Variants in PRAG1 observed in about 807,000 individuals in gnomAD.
PRAG1 encodes inactive tyrosine-protein kinase PRAG1.
A neutral mutation model predicts 95.6 loss-of-function variants in PRAG1; 110 were observed. The ratio of observed to expected loss-of-function variants is 1.15; its 90% CI spans 0.99 to 1.35. The LOEUF (loss-of-function observed/expected upper bound fraction) is 1.35. PRAG1 is among the 40% of genes most tolerant of loss of function. The probability of loss-of-function intolerance (pLI) is 0.00; values close to 1 mark genes in which losing one functional copy is unlikely to be tolerated. For synonymous variants in PRAG1, 1,052 were observed against 819.4 expected, an observed-to-expected ratio of 1.28 and a Z score of -4.85; for missense variants, 2,554 against 1,864.7, an observed-to-expected ratio of 1.37 and a Z score of -6.81.
At chr8:8,336,894 T>G (rs1011107195) in intron 4 of PRAG1, among the ~76,000 whole-genome samples, 3 of 33,270 alleles carry the variant, frequency 9.0e-5, no homozygotes, top group African/African-American at 1.4e-4. Flanking sequence ...CCCACTCCCC[T>G]CCCCACACCC....
At chr8:8,384,952 T>C (rs1363764871) in intron 1 of PRAG1, among the ~76,000 whole-genome samples, 1 of 152,216 alleles carries the variant, frequency 6.6e-6, no homozygotes, top group African/African-American at 2.4e-5. Flanking sequence ...GCACTAGATT[T>C]GTGGCTACAG....
chr8:8,327,994 A>C lies in PRAG1; in HGVS notation c.2788T>G (p.Ser930Ala). The C allele has an allele frequency of 6.3e-7, 1 of 1,593,632 alleles. No homozygotes were observed. ...SSQLSVSSQA[S>A]TGSTQLQLHG... Reference sequence around the variant, plus strand: ...AGCTGAAGCTGGGTGCTCCCGGTGGAGGCTTGACTGGACACGCTCAGCTGG... The same window carrying C: ...AGCTGAAGCTGGGTGCTCCCGGTGGCGGCTTGACTGGACACGCTCAGCTGG... The change falls in exon 5 of 6, where the codon TCC becomes GCC. Residue 930 changes from serine to alanine, a missense_variant. Coordinates refer to ENST00000615670, the MANE Select transcript of PRAG1 (RefSeq NM_001080826.3).
intron 5 of PRAG1, among the ~76,000 whole-genome samples, chr8:8,326,424 G>C (rs1368211971): frequency 6.6e-6 from 1 of 152,154 alleles, no homozygotes; most frequent in African/African-American, 2.4e-5. Flanking sequence ...CAGGTGATGA[G>C]AGAAGATAGC....
At chr8:8,321,428 C>T (rs1255610139) in intron 5 of PRAG1, among the ~76,000 whole-genome samples, 1 of 152,164 alleles carries the variant, frequency 6.6e-6, no homozygotes, top group Non-Finnish European at 1.5e-5. Flanking sequence ...CACTATTAAA[C>T]TAAAGGAAAT....
At chr8:8,332,427 G>A (rs1798849850) in intron 4 of PRAG1, among the ~76,000 whole-genome samples, 1 of 152,136 alleles carries the variant, frequency 6.6e-6, no homozygotes. Context: ...GACTCCTAAA[G>A]TGCTGGGATT....
At position 8,328,082 on chromosome 8, in the gene PRAG1, G is replaced by A. The variant is rs757695897; in HGVS notation, c.2700C>T (p.Gly900=). The A allele has an allele frequency of 6.2e-7, 1 of 1,607,496 alleles. No individual in the cohort carries two copies. The highest frequency in any genetic ancestry group is 8.5e-7 in the Non-Finnish European group (1 of 1,175,780). ...CAGGGCTCCCGCAGCCGCCTCTGTT[G>A]CCCGCCAGCCCTGCTGCCGGAAGCC... ...GHWLPAAGLA[G]NRGGCGSPGL... The change falls in exon 5 of 6, where the codon GGC becomes GGT. Residue 900 remains glycine (G), a synonymous_variant. Coordinates refer to ENST00000615670, the MANE Select transcript of PRAG1 (RefSeq NM_001080826.3).
intron 3 of PRAG1, among the ~76,000 whole-genome samples, chr8:8,349,489 A>C (rs973827470): frequency 3.9e-5 from 6 of 151,946 alleles, no homozygotes; most frequent in Non-Finnish European, 8.8e-5. Flanking sequence ...TCACTGTGTT[A>C]GCCAGGATGG....
chr8:8,380,017 G>C (rs542864465), intron 2 of PRAG1, among the ~76,000 whole-genome samples: 44 of 152,214 alleles, frequency 2.9e-4, no homozygotes, highest in African/African-American at 1.0e-3. Context: ...GAGGCAGATG[G>C]ACCACTTGAG....
In PRAG1 at chr8:8,377,329, G is replaced by A. The variant is rs1231350448; in HGVS notation, c.1080C>T (p.His360=). Residue 360 remains histidine, a synonymous_variant, in exon 3 of 6, where the codon CAC becomes CAT. Transcript: ENST00000615670. ...TGAGGGAGCAGTAATCACTCTCGAG[G>A]TGGGGGACGAAGGGGCTACTGGCGC... ...GSGASSPFVP[H]LESDYCSLMK... 15 of 1,608,952 alleles carry A rather than the reference G, an allele frequency of 9.3e-6. No homozygotes were observed.
rs966114239 is a variant in PRAG1, at chr8:8,376,937, C to G, written c.1472G>C (p.Ser491Thr). The G allele has an allele frequency of 1.9e-6, 3 of 1,613,414 alleles. No individual in the cohort carries two copies. Among genetic ancestry groups the G allele is most frequent in the Non-Finnish European group, 2.5e-6 (3 of 1,180,024 alleles). ...PEEDHRTIYL[S>T]SPDSAVGVQW... ...CACCCCCACTGCAGAGTCAGGGCTG[C>G]TCAGGTAGATCGTCCGATGGTCCTC... The change falls in exon 3 of 6, where the codon AGC becomes ACC. Residue 491 changes from serine to threonine, a missense_variant. Physicochemically the swap from Ser to Thr is moderately conservative, Grantham distance 58. Transcript: ENST00000615670.
chr8:8,374,267 G>A (rs746212058), intron 3 of PRAG1, among the ~76,000 whole-genome samples: 9 of 152,194 alleles, frequency 5.9e-5, no homozygotes, highest in Non-Finnish European at 1.2e-4. Flanking sequence ...CACAGTGAGT[G>A]GCTTATACAA....
intron 3 of PRAG1, among the ~76,000 whole-genome samples, chr8:8,340,879 A>T (rs1014953105): frequency 1.3e-5 from 2 of 152,242 alleles, no homozygotes; most frequent in Admixed American, 6.5e-5. Context: ...ATTATGACTA[A>T]TCTTCATCTT....
chr8:8,334,805 G>A (rs549924438), intron 4 of PRAG1, among the ~76,000 whole-genome samples: 1 of 151,672 alleles, frequency 6.6e-6, no homozygotes, highest in Non-Finnish European at 1.5e-5. Context: ...TTTCCATGCC[G>A]GGCACAGTCG....
intron 5 of PRAG1, among the ~76,000 whole-genome samples, chr8:8,324,545 G>T (rs1798574526): frequency 6.6e-6 from 1 of 152,056 alleles, no homozygotes; most frequent in Non-Finnish European, 1.5e-5. Context: ...GGAGGGAGTG[G>T]CTTTTTCTCC....
intron 3 of PRAG1, among the ~76,000 whole-genome samples, chr8:8,362,914 T>A (rs1161916977): frequency 6.6e-6 from 1 of 152,152 alleles, no homozygotes; most frequent in Non-Finnish European, 1.5e-5. Context: ...GGAAGTCGCT[T>A]ATGTAAAGGC....
intron 1 of PRAG1, among the ~76,000 whole-genome samples, chr8:8,383,461 G>C: frequency 6.6e-6 from 1 of 152,008 alleles, no homozygotes. Context: ...CATGCCTGTG[G>C]TCCCAGCTAC....
intron 3 of PRAG1, among the ~76,000 whole-genome samples, chr8:8,348,905 A>C (rs1415688545): frequency 6.6e-6 from 1 of 152,230 alleles, no homozygotes; most frequent in Non-Finnish European, 1.5e-5. Context: ...ACACAGAGTC[A>C]TTATTAAACA....
In PRAG1 at chr8:8,376,259, G is replaced by C. The variant is rs767660271; in HGVS notation, c.2150C>G (p.Pro717Arg). ...GIETFSPPPP[P>R]PKSRHLLKMN... ...CAATGGTACTCACCGCGACTTTGGAGGCGGAGGAGGAGGTGAGAATGTCTC... is the reference window on the plus strand; with the variant it reads ...CAATGGTACTCACCGCGACTTTGGACGCGGAGGAGGAGGTGAGAATGTCTC... The change falls in exon 3 of 6, where the codon CCT (proline) becomes CGT (arginine). Residue 717 changes from proline (P) to arginine (R), a missense_variant. Pro to Arg is a moderately radical substitution (Grantham distance 103, BLOSUM62 -2). Transcript: ENST00000615670. 1 of 1,613,432 alleles carries C rather than the reference G, an allele frequency of 6.2e-7. No individual in the cohort carries two copies. The highest frequency in any genetic ancestry group is 8.5e-7 in the Non-Finnish European group (1 of 1,179,804).
Position 8,377,406 on chromosome 8 carries a change from C to A in PRAG1, c.1003G>T (p.Ala335Ser). The change falls in exon 3 of 6, where the codon GCC (alanine) becomes TCC (serine). Residue 335 changes from alanine (A) to serine (S), a missense_variant. Physicochemically the swap from Ala to Ser is moderately conservative, Grantham distance 99. Coordinates refer to ENST00000615670, the MANE Select transcript of PRAG1 (RefSeq NM_001080826.3). ...CAAGAGAGGCCGTCGGAAGAAATGGCAGCCTCCGAGGTGAGGGACAGTTTC... is the reference window on the plus strand; with the variant it reads ...CAAGAGAGGCCGTCGGAAGAAATGGAAGCCTCCGAGGTGAGGGACAGTTTC... ...PKKLSLTSEA[A>S]ISSDGLSCGS... 2 of 1,577,456 alleles carry A rather than the reference C, an allele frequency of 1.3e-6. No homozygotes were observed. Among genetic ancestry groups the A allele is most frequent in the Non-Finnish European group, 1.7e-6 (2 of 1,162,972 alleles).
Sources: gnomAD v4.1 joint callset for allele counts (sites outside exome capture counted in the v4.1 genomes callset) on GRCh38, gnomAD v4.1.1 for gene constraint, MANE v1.5 for transcripts, NCBI Gene and HGNC (gene_info 2026-07-23, HGNC 2026-07-21) for gene names.